Variants in TRIM59 observed in about 807,000 individuals in gnomAD.
TRIM59 encodes tripartite motif containing 59.
TRIM59 carries 14 observed loss-of-function variants against 32.2 expected under a neutral mutation model. The ratio of observed to expected loss-of-function variants is 0.43; its 90% CI spans 0.29 to 0.68. The LOEUF (loss-of-function observed/expected upper bound fraction) is 0.68. TRIM59 is among the 30% of genes least tolerant of loss of function. TRIM59 has a pLI of 0.15. For missense variants in TRIM59, 471 were observed against 463.3 expected (o/e 1.02, Z -0.15); for synonymous variants, 163 against 155.1 (o/e 1.05, Z -0.38).
At position 160,438,479 on chromosome 3, in the gene TRIM59, T is replaced by G; in HGVS notation, c.705A>C (p.Leu235Phe). 1 of 1,613,386 alleles carries G rather than the reference T, an allele frequency of 6.2e-7. No individual in the cohort carries two copies. Among genetic ancestry groups the G allele is most frequent in the Non-Finnish European group, 8.5e-7 (1 of 1,179,844 alleles). ...CTTGTAAAGATATTGTCAGTGCCAT[T>G]AATTCAAGCTGCTGCTCTCGTATTT... ...MKEIREQQLE[L>F]MALTISLQEE... The change falls in exon 3 of 3, where the codon TTA (leucine) becomes TTC (phenylalanine). Residue 235 changes from leucine to phenylalanine, a missense_variant. Leu to Phe is a conservative substitution (Grantham distance 22, BLOSUM62 0). Coordinates refer to ENST00000309784, the MANE Select transcript of TRIM59 (RefSeq NM_173084.3).
intron 2 of TRIM59, among the ~76,000 whole-genome samples, chr3:160,443,584 C>A (rs1719367753): frequency 6.6e-6 from 1 of 151,924 alleles, no homozygotes; most frequent in African/African-American, 2.4e-5. Flanking sequence ...AAGTCCAGGA[C>A]AACTGTGAAA....
chr3:160,445,296 G>A (rs1011284714), intron 2 of TRIM59, among the ~76,000 whole-genome samples: 6 of 151,934 alleles, frequency 3.9e-5, no homozygotes, highest in Admixed American at 6.6e-5. Context: ...ACGCCTGTTA[G>A]TCCCAGCTAC....
chr3:160,441,435 G>A (rs1353396293), intron 2 of TRIM59, among the ~76,000 whole-genome samples: 1 of 151,968 alleles, frequency 6.6e-6, no homozygotes, highest in African/African-American at 2.4e-5. Flanking sequence ...TTAGGAAAAG[G>A]TGTAAAACGA....
intron 2 of TRIM59, among the ~76,000 whole-genome samples, chr3:160,448,480 T>G (rs187147310): frequency 6.6e-6 from 1 of 152,352 alleles, no homozygotes; most frequent in Admixed American, 6.5e-5. Flanking sequence ...ATGTACACAT[T>G]CTTGTAAAAT....
At chr3:160,444,392 T>A (rs930758053) in intron 2 of TRIM59, among the ~76,000 whole-genome samples, 9 of 152,060 alleles carry the variant, frequency 5.9e-5, no homozygotes, top group African/African-American at 2.2e-4. Flanking sequence ...TTTAAAGAAA[T>A]AAGAACAATT....
At chr3:160,448,980 T>C (rs1719677389) in intron 1 of TRIM59, 185 bp from the exon 2 acceptor site, 2 of 308,720 alleles carry the variant, frequency 6.5e-6, no homozygotes, top group South Asian at 5.4e-5. Context: ...TTGAAAATCC[T>C]AACTCTGACC....
At chr3:160,440,323 A>G (rs1719176565) in intron 2 of TRIM59, among the ~76,000 whole-genome samples, 1 of 152,224 alleles carries the variant, frequency 6.6e-6, no homozygotes, top group African/African-American at 2.4e-5. Flanking sequence ...AAAGAAGACC[A>G]TTAGTCATCT....
In TRIM59 at chr3:160,436,990, TTGAC is replaced by T. The variant is rs932495155; in HGVS notation, c.*978_*981del. 2.0e-6 allele frequency: 2 copies of T among 985,140 alleles called. No individual in the cohort carries two copies. Among genetic ancestry groups the T allele is most frequent in the Non-Finnish European group, 2.4e-6 (2 of 829,880 alleles). The allele number at this position is 985,140 out of a possible 1,614,324, so 61.0% of individuals were successfully genotyped here. A position where few individuals can be genotyped will look rare whatever the true frequency, so the allele number is the denominator to read the frequency against. The stretch of plus-strand genomic sequence containing the variant: ...ATGAGTTTTTAATCCAAGAACTGAT[TTGAC>T]TGACGAGCAGAAAAAAAAACAATCT... On this transcript the variant is annotated 3_prime_UTR_variant, in exon 3 of 3. Coordinates refer to ENST00000309784, the MANE Select transcript of TRIM59 (RefSeq NM_173084.3).
At chr3:160,445,773 CAA>C (rs75175042) in intron 2 of TRIM59, among the ~76,000 whole-genome samples, 1,096 of 90,898 alleles carry the variant, frequency 0.012, 5 homozygotes, top group African/African-American at 0.019. Flanking sequence ...GACTCTGTCT[CAA>C]AAAAAAAAAA....
chr3:160,439,250 T>C, intron 2 of TRIM59, 64 bp from the exon 3 acceptor site: 1 of 1,339,888 alleles, frequency 7.5e-7, no homozygotes, highest in South Asian at 2.1e-5. Context: ...TTTAACATTC[T>C]AGGCATTAAC....
chr3:160,436,335 T>G lies in TRIM59; in HGVS notation c.*1637A>C. 1 of 986,216 alleles carries G rather than the reference T, an allele frequency of 1.0e-6. No homozygotes were observed. Among genetic ancestry groups the G allele is most frequent in the Non-Finnish European group, 1.2e-6 (1 of 830,214 alleles). 61.1% of individuals were successfully genotyped at this position (986,216 alleles called of 1,614,324 possible). ...ATTTGATATAGGTAAGGCTCTTCGGTGATCCAAGAGCAGCCCCTTTGGGAT... is the reference window on the plus strand; with the variant it reads ...ATTTGATATAGGTAAGGCTCTTCGGGGATCCAAGAGCAGCCCCTTTGGGAT... On this transcript the variant is annotated 3_prime_UTR_variant, in exon 3 of 3. Coordinates refer to ENST00000309784, the MANE Select transcript of TRIM59 (RefSeq NM_173084.3).
chr3:160,448,539 A>T (rs902320135), intron 2 of TRIM59, among the ~76,000 whole-genome samples, 187 bp downstream of exon 2: 3 of 152,244 alleles, frequency 2.0e-5, no homozygotes, highest in Admixed American at 6.5e-5. Flanking sequence ...TAAGGTACAG[A>T]TCAGAGAAGG....
intron 2 of TRIM59, 67 bp from the exon 3 acceptor site, chr3:160,439,253 G>A (rs1397359368): frequency 1.5e-6 from 2 of 1,303,160 alleles, no homozygotes; most frequent in South Asian, 2.3e-5. Context: ...AACATTCTAG[G>A]CATTAACCTC....
At chr3:160,448,378 T>C (rs1228044902) in intron 2 of TRIM59, among the ~76,000 whole-genome samples, 5 of 152,206 alleles carry the variant, frequency 3.3e-5, no homozygotes, top group Non-Finnish European at 5.9e-5. Context: ...CATGAATGCA[T>C]AGTGAAAAAG....
chr3:160,436,258 G>A lies in TRIM59; in HGVS notation c.*1714C>T, dbSNP rs62272247. 0.046 allele frequency: 45,193 copies of A among 992,156 alleles called. 1,179 individuals are homozygous for A. Among genetic ancestry groups the A allele is most frequent in the Middle Eastern group, 0.071 (138 of 1,940 alleles). 61.5% of individuals were successfully genotyped at this position (992,156 alleles called of 1,614,324 possible). A position where few individuals can be genotyped will look rare whatever the true frequency, so the allele number is the denominator to read the frequency against. On this transcript the variant is annotated 3_prime_UTR_variant, in exon 3 of 3. Transcript: ENST00000309784. ...AAGCTGTATTTATGATAGTTTATGT[G>A]CAATCTGTAGGGCCAGGAGCATAGT...
In TRIM59 at chr3:160,436,070, T is replaced by C; in HGVS notation, c.*1902A>G. 1 of 1,169,686 alleles carries C rather than the reference T, an allele frequency of 8.5e-7. No homozygotes were observed. The highest frequency in any genetic ancestry group is 1.7e-5 in the South Asian group (1 of 59,140). The allele number at this position is 1,169,686 out of a possible 1,614,324, so 72.5% of individuals were successfully genotyped here. A position where few individuals can be genotyped will look rare whatever the true frequency, so the allele number is the denominator to read the frequency against. On this transcript the variant is annotated 3_prime_UTR_variant, in exon 3 of 3. Coordinates refer to ENST00000309784, the MANE Select transcript of TRIM59 (RefSeq NM_173084.3). ...ATTTTTATCTCTAGCTGAGTATGTGTCTCTCCTTACCTCTACTATGCCCTT... is the reference window on the plus strand; with the variant it reads ...ATTTTTATCTCTAGCTGAGTATGTGCCTCTCCTTACCTCTACTATGCCCTT...
intron 2 of TRIM59, among the ~76,000 whole-genome samples, chr3:160,446,821 C>T (rs1474534011): frequency 6.6e-6 from 1 of 152,142 alleles, no homozygotes; most frequent in East Asian, 1.9e-4. Context: ...ACTGCGCACG[C>T]GAGGGATCTA....
In TRIM59 at chr3:160,439,142, A is replaced by G. The variant is rs139657715; in HGVS notation, c.42T>C (p.Tyr14=). Residue 14 remains tyrosine (Y), a synonymous_variant, in exon 3 of 3, where the codon TAT becomes TAC. Coordinates refer to ENST00000309784, the MANE Select transcript of TRIM59 (RefSeq NM_173084.3). ...FEEELTCPIC[Y]SIFEDPRVLP... is the part of the protein sequence containing the mutation. Reference sequence around the variant, plus strand: ...GTACACGAGGATCTTCAAAAATACTATAACATATGGGACAAGTTAACTCTT... The same window carrying G: ...GTACACGAGGATCTTCAAAAATACTGTAACATATGGGACAAGTTAACTCTT... 1.5e-5 allele frequency: 22 copies of G among 1,513,528 alleles called. No individual in the cohort carries two copies. Among genetic ancestry groups the G allele is most frequent in the Admixed American group, 4.6e-5 (2 of 43,742 alleles). 93.8% of individuals were successfully genotyped at this position (1,513,528 alleles called of 1,614,324 possible).
At chr3:160,449,665 A>G (rs1272620924) in intron 1 of TRIM59, 52 bp downstream of exon 1, 4 of 1,289,578 alleles carry the variant, frequency 3.1e-6, no homozygotes, top group Non-Finnish European at 4.0e-6. Flanking sequence ...ACAGGAAAAG[A>G]AAAAGGACTC....
Sources: allele counts gnomAD v4.1 joint callset (sites outside exome capture counted in the v4.1 genomes callset), GRCh38; gene constraint gnomAD v4.1.1; transcripts MANE v1.5; gene names NCBI Gene and HGNC (gene_info 2026-07-23, HGNC 2026-07-21).